The following DUOX1 variants were observed in gnomAD, a reference collection of about 807,000 sequenced individuals.
The protein encoded by DUOX1 is dual oxidase 1.
In DUOX1, 134 loss-of-function variants were observed where a neutral mutation model predicts 181.8. That is an observed-to-expected ratio of 0.74 (90% confidence interval 0.64 to 0.85). The LOEUF (loss-of-function observed/expected upper bound fraction) is 0.85. DUOX1 is among the 40% of genes least tolerant of loss of function. The pLI is 0.00. For synonymous variants in DUOX1, 798 were observed against 832.5 expected (o/e 0.96, Z 0.71); for missense variants, 1,814 against 2,064.4 (o/e 0.88, Z 2.35).
chr15:45,155,597 G>T, intron 27 of DUOX1: 20 of 581,986 alleles, frequency 3.4e-5, no homozygotes, highest in Non-Finnish European at 4.9e-5. Flanking sequence ...AAATCATGGT[G>T]ACAAGGGCTA....
intron 33 of DUOX1, among the ~76,000 whole-genome samples, chr15:45,164,378 C>G (rs1295489557): frequency 6.6e-6 from 1 of 152,136 alleles, no homozygotes; most frequent in Non-Finnish European, 1.5e-5. Context: ...GTTGATCTAG[C>G]ACTTAGCAAA....
At chr15:45,152,540 G>A in intron 25 of DUOX1, 24 bp downstream of exon 25, 1 of 1,601,810 alleles carries the variant, frequency 6.2e-7, no homozygotes, top group Non-Finnish European at 8.5e-7. Context: ...GTCCCTGGGA[G>A]GCTCTCCAGG....
rs779722100 is a variant in DUOX1, at chr15:45,131,928, T to C, written c.-39T>C. 6.2e-7 allele frequency: 1 copy of C among 1,606,390 alleles called. No individual in the cohort carries two copies. The highest frequency in any genetic ancestry group is 2.2e-5 in the East Asian group (1 of 44,832). On this transcript the variant is annotated 5_prime_UTR_variant, in exon 2 of 34. Coordinates refer to ENST00000389037, the MANE Select transcript of DUOX1 (RefSeq NM_175940.3). The stretch of plus-strand genomic sequence containing the variant: ...CCTGTCTTTTTCTAGGGTCTCCATT[T>C]TGGGACATTCTAATCCCTGAGCCCC...
rs1028904991 is a variant in DUOX1, at chr15:45,139,939, C to A, written c.1389+340C>A. ...CTTAGGAACAATCTGTGCTTTCTTG[C>A]ACCGATGTTTAAGCCACCTTTCAGG... On this transcript the variant is annotated intron_variant, in intron 12 of 33. Coordinates refer to ENST00000389037, the MANE Select transcript of DUOX1 (RefSeq NM_175940.3). 8 of 688,428 alleles carry A rather than the reference C, an allele frequency of 1.2e-5. No individual in the cohort carries two copies. The African/African-American group carries it at 1.4e-4, about 12-fold the overall frequency. 42.6% of individuals were successfully genotyped at this position (688,428 alleles called of 1,614,324 possible). A position where few individuals can be genotyped will look rare whatever the true frequency, so the allele number is the denominator to read the frequency against.
At position 45,139,555 on chromosome 15, in the gene DUOX1, C is replaced by T. The variant is rs200325942; in HGVS notation, c.1345C>T (p.Arg449Cys). 1.3e-5 allele frequency: 21 copies of T among 1,611,108 alleles called. No individual in the cohort carries two copies. The East Asian group carries it at 1.6e-4, about 12-fold the overall frequency. ...RAALGLSPIT[R>C]WQDINPALSR... ...AGCACTGGGCTTGTCTCCCATTACCCGCTGGCAGGACATCAACCCTGCACT... is the reference window on the plus strand; with the variant it reads ...AGCACTGGGCTTGTCTCCCATTACCTGCTGGCAGGACATCAACCCTGCACT... Residue 449 changes from arginine (R) to cysteine (C), a missense_variant, in exon 12 of 34, where the codon CGC (arginine) becomes TGC (cysteine). Arg to Cys is a radical substitution (Grantham distance 180). Coordinates refer to ENST00000389037, the MANE Select transcript of DUOX1 (RefSeq NM_175940.3).
Position 45,139,492 on chromosome 15 carries a change from C to G in DUOX1, c.1282C>G (p.Arg428Gly), listed in dbSNP as rs141003102. Reference protein sequence around the residue: ...DHLASCLQRGRDLGLPSYTKA... With the variant: ...DHLASCLQRGGDLGLPSYTKA... ...CCTGGCCAGCTGCCTGCAGCGGGGCCGGGATCTGGGCCTGCCCTCTTACAC... is the reference window on the plus strand; with the variant it reads ...CCTGGCCAGCTGCCTGCAGCGGGGCGGGGATCTGGGCCTGCCCTCTTACAC... The change falls in exon 12 of 34, where the codon CGG (arginine) becomes GGG (glycine). Residue 428 changes from arginine to glycine, a missense_variant. Coordinates refer to ENST00000389037, the MANE Select transcript of DUOX1 (RefSeq NM_175940.3). The G allele has an allele frequency of 1.2e-6, 2 of 1,613,230 alleles. No homozygotes were observed. Among genetic ancestry groups the G allele is most frequent in the South Asian group, 1.1e-5 (1 of 90,912 alleles).
Position 45,139,048 on chromosome 15 carries a change from C to T in DUOX1, c.1114-18C>T. The T allele has an allele frequency of 6.2e-7, 1 of 1,609,584 alleles. No homozygotes were observed. The highest frequency in any genetic ancestry group is 2.2e-5 in the East Asian group (1 of 44,852). On this transcript the variant is annotated intron_variant, in intron 10 of 33. Coordinates refer to ENST00000389037, the MANE Select transcript of DUOX1 (RefSeq NM_175940.3). ...CCATTAACCACACCCCTTTCCTCCC[C>T]ACCCCCAACCTATAAAGCACCCAAG... is the stretch of plus-strand genomic sequence containing the variant.
intron 9 of DUOX1, 120 bp downstream of exon 9, chr15:45,136,745 C>G: frequency 1.1e-6 from 1 of 885,654 alleles, no homozygotes; most frequent in Non-Finnish European, 1.8e-6. Flanking sequence ...AAGGGAAAGA[C>G]CGATAGAGAG....
rs1479054435 is a variant in DUOX1 at position 45,139,465 on chromosome 15, C to A, written c.1255C>A (p.His419Asn). The stretch of plus-strand genomic sequence containing the variant: ...GCCACTGAAGTTTTCCCGCACAGAC[C>A]ACCTGGCCAGCTGCCTGCAGCGGGG... ...PGPLKFSRTDHLASCLQRGRD... is the reference protein window; with the variant it reads ...PGPLKFSRTDNLASCLQRGRD... The change falls in exon 12 of 34, where the codon CAC becomes AAC. Residue 419 changes from histidine (H) to asparagine (N), a missense_variant. Physicochemically the swap from His to Asn is moderately conservative, Grantham distance 68. This residue lies in a region of DUOX1 where 1,064 missense variants were observed against 1,152.9 expected (regional missense o/e 0.92). Transcript: ENST00000389037. 3 of 1,613,202 alleles carry A rather than the reference C, an allele frequency of 1.9e-6. No homozygotes were observed. The highest frequency in any genetic ancestry group is 2.5e-6 in the Non-Finnish European group (3 of 1,179,770).
rs747547546 is a variant in DUOX1 at position 45,131,938 on chromosome 15, C to T, written c.-29C>T. 2.5e-6 allele frequency: 4 copies of T among 1,612,972 alleles called. No individual in the cohort carries two copies. Among genetic ancestry groups the T allele is most frequent in the South Asian group, 1.1e-5 (1 of 91,062 alleles). On this transcript the variant is annotated 5_prime_UTR_variant, in exon 2 of 34. Coordinates refer to ENST00000389037, the MANE Select transcript of DUOX1 (RefSeq NM_175940.3). Reference sequence around the variant, plus strand: ...TCTAGGGTCTCCATTTTGGGACATTCTAATCCCTGAGCCCCTATTATTTTC... The same window carrying T: ...TCTAGGGTCTCCATTTTGGGACATTTTAATCCCTGAGCCCCTATTATTTTC...
rs1432163584 is a variant in DUOX1 at position 45,153,441 on chromosome 15, C to A, written c.3486C>A (p.Val1162=). ...VYLFSISPLS[V]LSCLFPGLFH... ...TGTTCTCCATCAGCCCCCTCAGCGT[C>A]CTCTCTTGCCTCTTTCCTGGCCTCT... The change falls in exon 26 of 34, where the codon GTC becomes GTA. Residue 1162 remains valine (V), a synonymous_variant. Coordinates refer to ENST00000389037, the MANE Select transcript of DUOX1 (RefSeq NM_175940.3). 1.9e-6 allele frequency: 3 copies of A among 1,613,398 alleles called. No individual in the cohort carries two copies. Among genetic ancestry groups the A allele is most frequent in the Non-Finnish European group, 2.5e-6 (3 of 1,179,932 alleles).
chr15:45,149,137 T>G (rs998902263), intron 21 of DUOX1, among the ~76,000 whole-genome samples: 2 of 152,242 alleles, frequency 1.3e-5, no homozygotes, highest in African/African-American at 4.8e-5. Context: ...TCTTTGCATC[T>G]TAGGACTCTC....
At chr15:45,148,825 CAGGG>C (rs1481333467) in intron 21 of DUOX1, among the ~76,000 whole-genome samples, 7 of 151,874 alleles carry the variant, frequency 4.6e-5, no homozygotes, top group Non-Finnish European at 7.4e-5. Context: ...GCGTGGTGCC[CAGGG>C]CAGGGGGAGA....
Position 45,160,819 on chromosome 15 carries a change from G to C in DUOX1, c.3703-18G>C, listed in dbSNP as rs766396537. On this transcript the variant is annotated intron_variant, in intron 28 of 33. Coordinates refer to ENST00000389037, the MANE Select transcript of DUOX1 (RefSeq NM_175940.3). ...ATGGGCATCGCTAGGTCTGAGCAGAGCTCTTTCCTCCATCTAGCTCATCAT... is the reference window on the plus strand; with the variant it reads ...ATGGGCATCGCTAGGTCTGAGCAGACCTCTTTCCTCCATCTAGCTCATCAT... 1 of 1,590,012 alleles carries C rather than the reference G, an allele frequency of 6.3e-7. No homozygotes were observed. The highest frequency in any genetic ancestry group is 1.2e-5 in the South Asian group (1 of 85,354).
rs2458236 is a variant in DUOX1 at position 45,153,958 on chromosome 15, C to A, written c.3532C>A (p.Leu1178Ile). The change falls in exon 27 of 34, where the codon CTC (leucine) becomes ATC (isoleucine). Residue 1178 changes from leucine to isoleucine, a missense_variant. This residue lies in a region of DUOX1 where 279 missense variants were observed against 381.9 expected (regional missense o/e 0.73). Coordinates refer to ENST00000389037, the MANE Select transcript of DUOX1 (RefSeq NM_175940.3). Reference protein sequence around the residue: ...PGLFHDDGSELPQKYYWWFFQ... With the variant: ...PGLFHDDGSEIPQKYYWWFFQ... ...GCTGTCCCTTCCACACAGGTCTGAG[C>A]TCCCCCAGAAGTATTACTGGTGGTT... 1.7e-5 allele frequency: 28 copies of A among 1,612,130 alleles called. No homozygotes were observed. The highest frequency in any genetic ancestry group is 3.3e-5 in the South Asian group (3 of 91,038).
intron 28 of DUOX1, among the ~76,000 whole-genome samples, chr15:45,156,469 G>T (rs1430682152): frequency 6.6e-6 from 1 of 152,136 alleles, no homozygotes; most frequent in Non-Finnish European, 1.5e-5. Context: ...GTCTCGCCCT[G>T]TCGCCCAGGC....
At chr15:45,134,693 G>A (rs1361924969) in intron 4 of DUOX1, among the ~76,000 whole-genome samples, 1 of 152,192 alleles carries the variant, frequency 6.6e-6, no homozygotes, top group Non-Finnish European at 1.5e-5. Flanking sequence ...CAGGCTCAGG[G>A]CAGGGTTCTG....
chr15:45,150,405 C>A (rs532615995), intron 21 of DUOX1: 1 of 557,044 alleles, frequency 1.8e-6, no homozygotes, highest in Non-Finnish European at 3.2e-6. Context: ...TTTAGGGAAG[C>A]CTGCCTGGCC....
chr15:45,155,988 G>C (rs1896961405), intron 28 of DUOX1, 59 bp downstream of exon 28: 1 of 1,600,716 alleles, frequency 6.2e-7, no homozygotes, highest in Non-Finnish European at 8.6e-7. Context: ...TTTCCAGGGA[G>C]GCAAGGAGAG....
Sources: allele counts gnomAD v4.1 joint callset (sites outside exome capture counted in the v4.1 genomes callset), GRCh38; gene constraint gnomAD v4.1.1; regional missense constraint gnomAD v4.1.1; transcripts MANE v1.5; gene names NCBI Gene and HGNC (gene_info 2026-07-23, HGNC 2026-07-21).